HPSE2: variants seen among roughly 807,000 people sequenced by gnomAD.
The protein encoded by HPSE2 is heparanase 2 (inactive).
In HPSE2, 38 loss-of-function variants were observed where a neutral mutation model predicts 60.5. The observed-to-expected ratio is 0.63, with a 90% CI of 0.48 to 0.82. The LOEUF (loss-of-function observed/expected upper bound fraction) is 0.82, where lower values mean the gene tolerates loss of function less well. HPSE2 is among the 40% of genes least tolerant of loss of function. HPSE2 has a pLI of 0.00. For missense variants in HPSE2, 713 were observed against 740.4 expected (o/e 0.96, Z 0.43); for synonymous variants, 295 against 293.2 (o/e 1.01, Z -0.06).
intron 7 of HPSE2, among the ~76,000 whole-genome samples, chr10:98,621,754 T>C (rs1045423278): frequency 2.6e-5 from 4 of 152,238 alleles, no homozygotes; most frequent in Non-Finnish European, 4.4e-5. Context: ...CCCTATTTCA[T>C]GTGCAGGCCT....
intron 9 of HPSE2, among the ~76,000 whole-genome samples, chr10:98,561,469 T>C (rs911586031): frequency 6.6e-6 from 1 of 152,196 alleles, no homozygotes; most frequent in East Asian, 1.9e-4. Flanking sequence ...AATATTATTA[T>C]ACAAGCATCA....
chr10:98,984,276 T>C (rs892649429), intron 3 of HPSE2, among the ~76,000 whole-genome samples: 1 of 152,146 alleles, frequency 6.6e-6, no homozygotes, highest in African/African-American at 2.4e-5. Context: ...CACGGCCAGG[T>C]ACTCCTCTGA....
intron 3 of HPSE2, among the ~76,000 whole-genome samples, chr10:99,022,383 C>T (rs1299696394): frequency 2.0e-5 from 3 of 152,152 alleles, no homozygotes; most frequent in South Asian, 2.1e-4. Flanking sequence ...GGCTACAGCA[C>T]TCTGTGTCTC....
At chr10:98,873,640 T>C (rs1230894005) in intron 3 of HPSE2, among the ~76,000 whole-genome samples, 9 of 152,100 alleles carry the variant, frequency 5.9e-5, no homozygotes, top group African/African-American at 2.4e-5. Context: ...GTTGGTTCCA[T>C]GTCTTTGCTA....
At chr10:99,179,259 G>T (rs569184345) in intron 2 of HPSE2, among the ~76,000 whole-genome samples, 2 of 152,336 alleles carry the variant, frequency 1.3e-5, no homozygotes, top group South Asian at 4.1e-4. Context: ...ACTATTGGAA[G>T]TTTTCGCTAG....
chr10:98,470,102 GGT>G (rs55762346), intron 11 of HPSE2, among the ~76,000 whole-genome samples: 51 of 150,152 alleles, frequency 3.4e-4, no homozygotes, highest in South Asian at 1.3e-3. Context: ...TAGGAAGGCA[GGT>G]GTGTGTGTGT....
At chr10:98,484,969 G>A (rs935845366) in intron 10 of HPSE2, among the ~76,000 whole-genome samples, 32 of 152,172 alleles carry the variant, frequency 2.1e-4, no homozygotes, top group African/African-American at 7.2e-4. Flanking sequence ...TTCAAAGGAG[G>A]AGTTCAGAGA....
At chr10:98,732,640 G>T (rs1197109403) in intron 4 of HPSE2, among the ~76,000 whole-genome samples, 1 of 152,106 alleles carries the variant, frequency 6.6e-6, no homozygotes, top group African/African-American at 2.4e-5. Flanking sequence ...ACTCCTAATA[G>T]ATTTAGGGCC....
rs557270699 is a variant in HPSE2, at chr10:98,985,159, C to A, written c.610+159079G>T. Among the ~76,000 whole-genome samples the A allele has an allele frequency of 1.8e-3, 267 of 152,130 alleles. 1 individual carries two copies. Among genetic ancestry groups the A allele is most frequent in the African/African-American group, 6.3e-3 (262 of 41,498 alleles). Reference sequence around the variant, plus strand: ...CAGAGAACGCCACAAAGATACTCCTCGAGAAGAGCAACTCCAAGACACATC... The same window carrying A: ...CAGAGAACGCCACAAAGATACTCCTAGAGAAGAGCAACTCCAAGACACATC... On this transcript the variant is annotated intron_variant, in intron 3 of 11. Coordinates refer to ENST00000370552, the MANE Select transcript of HPSE2 (RefSeq NM_021828.5).
chr10:98,953,423 A>G (rs765453493), intron 3 of HPSE2, among the ~76,000 whole-genome samples: 10 of 152,162 alleles, frequency 6.6e-5, no homozygotes, highest in Non-Finnish European at 1.5e-4. Context: ...TATCTAATAC[A>G]GCAAGGACCT....
chr10:99,243,746 G>A, the HPSE2 span, among the ~76,000 whole-genome samples: 375 of 152,150 alleles, frequency 2.5e-3, no homozygotes, highest in Admixed American at 5.0e-3. Flanking sequence ...GACCAGCCTG[G>A]CCAACAAGGC....
chr10:98,842,351 T>C (rs1951934384), intron 3 of HPSE2, among the ~76,000 whole-genome samples: 2 of 152,188 alleles, frequency 1.3e-5, no homozygotes, highest in African/African-American at 4.8e-5. Context: ...GGCTCCAAGC[T>C]TGTCATGGCT....
At chr10:98,814,304 C>T (rs2134584172) in intron 3 of HPSE2, among the ~76,000 whole-genome samples, 1 of 152,112 alleles carries the variant, frequency 6.6e-6, no homozygotes, top group South Asian at 2.1e-4. Context: ...GACTTTATAG[C>T]CTATAATTTA....
At chr10:98,880,419 T>G (rs1408428738) in intron 3 of HPSE2, among the ~76,000 whole-genome samples, 2 of 151,882 alleles carry the variant, frequency 1.3e-5, no homozygotes, top group African/African-American at 4.8e-5. Flanking sequence ...TATTTTTCCT[T>G]TATGTAAACT....
rs117985128 is a variant in HPSE2 at position 99,187,994 on chromosome 10, G to A, written c.449-43595C>T. Among the ~76,000 whole-genome samples the A allele has an allele frequency of 4.9e-4, 74 of 152,258 alleles. No individual in the cohort carries two copies. In the East Asian group the frequency reaches 0.014, roughly 28 times the overall value. On this transcript the variant is annotated intron_variant, in intron 2 of 11. Coordinates refer to ENST00000370552, the MANE Select transcript of HPSE2 (RefSeq NM_021828.5). ...TGGAAACAACCTAAATTTCCATCAG[G>A]TGGTAAATGGATAAGCAAATTGTAT...
At chr10:99,197,095 T>C (rs1564887203) in intron 2 of HPSE2, among the ~76,000 whole-genome samples, 1 of 152,130 alleles carries the variant, frequency 6.6e-6, no homozygotes, top group African/African-American at 2.4e-5. Context: ...ATAGAAATCA[T>C]TATGTTAAGT....
intron 2 of HPSE2, among the ~76,000 whole-genome samples, chr10:99,184,862 A>AGAGAGAGAGG (rs1847943575): frequency 7.7e-6 from 1 of 130,406 alleles, no homozygotes; most frequent in African/African-American, 2.7e-5. Flanking sequence ...AGAGAGAGAG[A>AGAGAGAGAGG]GACAGAAACA....
At chr10:99,038,818 A>G (rs925674014) in intron 3 of HPSE2, among the ~76,000 whole-genome samples, 5 of 152,104 alleles carry the variant, frequency 3.3e-5, no homozygotes, top group Admixed American at 1.3e-4. Context: ...TTCCAAATAA[A>G]AAGTTTTTGA....
intron 2 of HPSE2, among the ~76,000 whole-genome samples, chr10:99,178,365 GC>G (rs1404650394): frequency 6.6e-6 from 1 of 151,558 alleles, no homozygotes; most frequent in African/African-American, 2.4e-5. Flanking sequence ...AAATAGATAG[GC>G]CACTAGCCAG....
Sources: allele counts gnomAD v4.1 joint callset (sites outside exome capture counted in the v4.1 genomes callset), GRCh38; gene constraint gnomAD v4.1.1; transcripts MANE v1.5; gene names NCBI Gene and HGNC (gene_info 2026-07-23, HGNC 2026-07-21).